The following SCARA5 variants were observed in gnomAD, a reference collection of about 807,000 sequenced individuals.
SCARA5 encodes scavenger receptor class A, member 5 (putative).
In SCARA5, 45 loss-of-function variants were observed where a neutral mutation model predicts 46.3. That is an observed-to-expected ratio of 0.97 (90% CI 0.76 to 1.24). The LOEUF (loss-of-function observed/expected upper bound fraction) is 1.24, where lower values mean the gene tolerates loss of function less well. Ranked by LOEUF, SCARA5 falls within the 50% of genes most tolerant of loss-of-function variation. The pLI is 0.00. For synonymous variants in SCARA5, 333 were observed against 306.5 expected, an observed-to-expected ratio of 1.09 and a Z score of -0.90; for missense variants, 680 against 689.0, an observed-to-expected ratio of 0.99 and a Z score of 0.15.
intron 7 of SCARA5, among the ~76,000 whole-genome samples, chr8:27,880,822 T>A (rs535508669): frequency 8.2e-6 from 1 of 121,630 alleles, no homozygotes; most frequent in African/African-American, 3.3e-5. Context: ...GCCACTGCAC[T>A]CCAGCATGCA....
chr8:27,877,302 T>C (rs1185736170), intron 8 of SCARA5, among the ~76,000 whole-genome samples: 1 of 152,030 alleles, frequency 6.6e-6, no homozygotes, highest in East Asian at 1.9e-4. Flanking sequence ...GATAGGGAAA[T>C]AATGGGGCAA....
chr8:27,938,178 C>A (rs940974550), intron 3 of SCARA5, among the ~76,000 whole-genome samples: 1 of 152,132 alleles, frequency 6.6e-6, no homozygotes, highest in African/African-American at 2.4e-5. Context: ...TAGAACCAAG[C>A]GCTTCCTCAA....
rs543499401 is a variant in SCARA5 at position 27,869,969 on chromosome 8, G to A, written c.*1965C>T. The A allele has an allele frequency of 6.6e-6, 1 of 152,370 alleles. No homozygotes were observed. The highest frequency in any genetic ancestry group is 2.1e-4 in the South Asian group (1 of 4,832). The allele number at this position is 152,370 out of a possible 1,614,324, so 9.4% of individuals were successfully genotyped here. A position where few individuals can be genotyped will look rare whatever the true frequency, so the allele number is the denominator to read the frequency against. On this transcript the variant is annotated 3_prime_UTR_variant, in exon 9 of 9. Transcript: ENST00000354914. ...CCAGGCCTAATTTGCTTTGGTCCCT[G>A]AAATGCAGGCCCATGGTCATTTCCA...
intron 3 of SCARA5, among the ~76,000 whole-genome samples, chr8:27,965,316 C>T (rs1282498314): frequency 6.6e-6 from 1 of 152,228 alleles, no homozygotes; most frequent in African/African-American, 2.4e-5. Flanking sequence ...AAGGGCTGGA[C>T]CTCCAGATTC....
At position 27,922,220 on chromosome 8, in the gene SCARA5, G is replaced by C. The variant is rs769426704; in HGVS notation, c.267C>G (p.Asp89Glu). ...LAVSRPRSSP[D>E]DLKALTRNVN... Reference sequence around the variant, plus strand: ...CATTGCGAGTCAGGGCCTTCAGGTCGTCAGGGGAGCTGCGCGGCCTGGACA... The same window carrying C: ...CATTGCGAGTCAGGGCCTTCAGGTCCTCAGGGGAGCTGCGCGGCCTGGACA... The change falls in exon 4 of 9, where the codon GAC (aspartate) becomes GAG (glutamate). Residue 89 changes from aspartate (D) to glutamate (E), a missense_variant. By Grantham distance (45) the Asp-to-Glu change is conservative. This residue lies in a region of SCARA5 where 438 missense variants were observed against 384.5 expected (regional missense o/e 1.14). Transcript: ENST00000354914. The C allele has an allele frequency of 3.2e-6, 5 of 1,581,424 alleles. No individual in the cohort carries two copies. The South Asian group carries it at 3.5e-5, about 11-fold the overall frequency.
At chr8:27,918,205 C>G (rs941097995) in intron 4 of SCARA5, among the ~76,000 whole-genome samples, 1 of 152,170 alleles carries the variant, frequency 6.6e-6, no homozygotes, top group African/African-American at 2.4e-5. Flanking sequence ...TGGATCATTA[C>G]CAGCCATGAG....
intron 3 of SCARA5, among the ~76,000 whole-genome samples, chr8:27,951,720 C>T (rs1037810608): frequency 6.6e-6 from 1 of 152,224 alleles, no homozygotes; most frequent in Non-Finnish European, 1.5e-5. Flanking sequence ...AATCCTTCCT[C>T]TTCCTCATGC....
chr8:27,932,499 C>G (rs1242116056), intron 3 of SCARA5, among the ~76,000 whole-genome samples: 1 of 152,230 alleles, frequency 6.6e-6, no homozygotes, highest in Non-Finnish European at 1.5e-5. Context: ...TTTGCAGTTA[C>G]AGAGGCTAGA....
chr8:27,875,044 C>T (rs1250455198), intron 8 of SCARA5, among the ~76,000 whole-genome samples: 1 of 152,206 alleles, frequency 6.6e-6, no homozygotes, highest in Non-Finnish European at 1.5e-5. Flanking sequence ...GTTATGGTGC[C>T]AGACCCCTGG....
intron 3 of SCARA5, among the ~76,000 whole-genome samples, chr8:27,929,060 T>G (rs944496107): frequency 6.6e-6 from 1 of 152,192 alleles, no homozygotes; most frequent in Non-Finnish European, 1.5e-5. Flanking sequence ...GCAGAAACCA[T>G]GTAGAGATTC....
At chr8:27,908,316 T>C (rs1326851161) in intron 5 of SCARA5, among the ~76,000 whole-genome samples, 2 of 151,990 alleles carry the variant, frequency 1.3e-5, no homozygotes, top group Non-Finnish European at 2.9e-5. Context: ...CTCTTGGCCA[T>C]GAGGCCCCTT....
At chr8:27,905,705 CT>C (rs869032548) in intron 6 of SCARA5, among the ~76,000 whole-genome samples, 24 of 8,072 alleles carry the variant, frequency 3.0e-3, no homozygotes, top group East Asian at 0.029. Context: ...CTTTTCTTTT[CT>C]TTTTTTTTTT....
intron 3 of SCARA5, among the ~76,000 whole-genome samples, chr8:27,965,424 A>G (rs993297371): frequency 2.6e-4 from 40 of 152,202 alleles, no homozygotes; most frequent in Non-Finnish European, 5.7e-4. Context: ...TGCTTCATGC[A>G]GCAGCCGCAC....
intron 7 of SCARA5, among the ~76,000 whole-genome samples, chr8:27,896,213 C>T (rs1296049366): frequency 1.3e-5 from 2 of 152,178 alleles, no homozygotes; most frequent in African/African-American, 2.4e-5. Context: ...TGCAGCCCTC[C>T]TTGCTGTACA....
At chr8:27,884,825 A>G (rs1181292149) in intron 7 of SCARA5, among the ~76,000 whole-genome samples, 1 of 152,212 alleles carries the variant, frequency 6.6e-6, no homozygotes, top group East Asian at 1.9e-4. Context: ...GTCTAGCAAT[A>G]CAGCTAGTCA....
chr8:27,894,926 C>A (rs940818581), intron 7 of SCARA5, among the ~76,000 whole-genome samples: 3 of 152,180 alleles, frequency 2.0e-5, no homozygotes, highest in African/African-American at 4.8e-5. Flanking sequence ...GGACTCACAG[C>A]ATTTGAGGGG....
At chr8:27,964,785 A>G (rs1342576682) in intron 3 of SCARA5, among the ~76,000 whole-genome samples, 4 of 149,844 alleles carry the variant, frequency 2.7e-5, no homozygotes, top group Admixed American at 2.7e-4. Flanking sequence ...CCTGCCCCAA[A>G]CCCCCCACCA....
intron 4 of SCARA5, among the ~76,000 whole-genome samples, chr8:27,920,497 C>G (rs1003187322): frequency 6.6e-6 from 1 of 151,826 alleles, no homozygotes; most frequent in African/African-American, 2.4e-5. Context: ...ACCTGTAATC[C>G]TAGCTACTCA....
At chr8:27,982,395 C>T (rs1268924142) in intron 2 of SCARA5, among the ~76,000 whole-genome samples, 4 of 91,220 alleles carry the variant, frequency 4.4e-5, no homozygotes, top group Non-Finnish European at 6.8e-5. Flanking sequence ...GGGTGGGGGG[C>T]GGGAGGAGGG....
Sources: gnomAD v4.1 joint callset for allele counts (sites outside exome capture counted in the v4.1 genomes callset) on GRCh38, gnomAD v4.1.1 for gene constraint, gnomAD v4.1.1 regional missense constraint, MANE v1.5 for transcripts, NCBI Gene and HGNC (gene_info 2026-07-23, HGNC 2026-07-21) for gene names.